GPR85: variants seen among roughly 807,000 people sequenced by gnomAD.
GPR85 encodes the protein G protein-coupled receptor 85, also known as probable G protein-coupled receptor 85.
A neutral mutation model predicts 21.3 loss-of-function variants in GPR85; 7 were observed. That is an observed-to-expected ratio of 0.33 (90% confidence interval 0.19 to 0.62). The LOEUF is 0.62. Among genes scored for constraint, GPR85 ranks in the 20% least tolerant of loss-of-function variants. The probability of loss-of-function intolerance (pLI) is 0.80; values close to 1 mark genes in which losing one functional copy is unlikely to be tolerated. For synonymous variants in GPR85, 167 were observed against 166.1 expected (o/e 1.01, Z -0.04); for missense variants, 299 against 443.8 (o/e 0.67, Z 2.93).
Position 113,086,431 on chromosome 7 carries a change from T to TTTTTTTTTTTTTTTTTTTTTTTTTC in GPR85, c.-399_-398insGAAAAAAAAAAAAAAAAAAAAAAAA, listed in dbSNP as rs1414402156. 1 of 108,236 alleles carries TTTTTTTTTTTTTTTTTTTTTTTTTC rather than the reference T, an allele frequency of 9.2e-6. No homozygotes were observed. 6.7% of individuals were successfully genotyped at this position (108,236 alleles called of 1,614,324 possible). ...TTTTTTTTTTTGTTTTTTGTTTTTT[T>TTTTTTTTTTTTTTTTTTTTTTTTTC]TTTTTTTTTTTTTGCCTTAGTGCCT... On this transcript the variant is annotated 5_prime_UTR_variant, in exon 1 of 3. An upstream open reading frame in the 5' UTR loses its in-frame stop. Coordinates refer to ENST00000424100, the MANE Select transcript of GPR85 (RefSeq NM_001146267.2).
At chr7:113,087,638 A>G (rs892247177), upstream of GPR85, 3 of 154,314 alleles carry the variant, frequency 1.9e-5, no homozygotes, top group Non-Finnish European at 4.4e-5. Context: ...TTAATTCCCA[A>G]TGTAAAACGT....
rs920604596 is a variant in GPR85 at position 113,083,960 on chromosome 7, G to A, written c.762C>T (p.Pro254=). Residue 254 remains proline (P), a synonymous_variant, in exon 3 of 3, where the codon CCC becomes CCT. Coordinates refer to ENST00000424100, the MANE Select transcript of GPR85 (RefSeq NM_001146267.2). This position sits in a 1 kb window ranked among gnomAD's most constrained non-coding sequence, Gnocchi z 4.4. ...LAGFGRGPTP[P]TLLGIRQNAN... ...CATTTTGCCTGATGCCCAGCAAGGT[G>A]GGTGGTGTGGGACCCCTTCCAAATC... 5 of 1,614,056 alleles carry A rather than the reference G, an allele frequency of 3.1e-6. No individual in the cohort carries two copies. Among genetic ancestry groups the A allele is most frequent in the Middle Eastern group, 1.6e-4 (1 of 6,084 alleles).
Position 113,084,137 on chromosome 7 carries a change from G to C in GPR85, c.585C>G (p.Leu195=), listed in dbSNP as rs780722391. ...LGFMLLLALI[L]LATQLVYLKL... is the part of the protein sequence containing the mutation. Reference sequence around the variant, plus strand: ...TGAGGTAGACAAGCTGTGTGGCTAGGAGGATGAGAGCAAGAAGCAGCATAA... The same window carrying C: ...TGAGGTAGACAAGCTGTGTGGCTAGCAGGATGAGAGCAAGAAGCAGCATAA... Residue 195 remains leucine (L), a synonymous_variant, in exon 3 of 3, where the codon CTC becomes CTG. Transcript: ENST00000424100. 1.2e-6 allele frequency: 2 copies of C among 1,614,188 alleles called. No homozygotes were observed. Among genetic ancestry groups the C allele is most frequent in the Non-Finnish European group, 1.7e-6 (2 of 1,180,030 alleles).
chr7:113,086,396 C>CTTTTTTTTTTTTTTTTTTCTTTTTTTTT lies in GPR85; in HGVS notation c.-364_-363insAAAAAAAAAGAAAAAAAAAAAAAAAAAA, dbSNP rs1794283693. ...CTGATTTTTTTCTTTTTTTCTTTTT[C>CTTTTTTTTTTTTTTTTTTCTTTTTTTTT]TTTTTTTTTTTTTTTTTTTTGTTTT... On this transcript the variant is annotated 5_prime_UTR_variant, in exon 1 of 3. An upstream open reading frame in the 5' UTR loses its in-frame stop. Transcript: ENST00000424100. 1 of 48,068 alleles carries CTTTTTTTTTTTTTTTTTTCTTTTTTTTT rather than the reference C, an allele frequency of 2.1e-5. No homozygotes were observed. The highest frequency in any genetic ancestry group is 3.6e-5 in the Non-Finnish European group (1 of 28,134). The allele number at this position is 48,068 out of a possible 1,614,324, so 3.0% of individuals were successfully genotyped here.
rs987762583 is a variant in GPR85 at position 113,083,549 on chromosome 7, C to A, written c.*60G>T. The A allele has an allele frequency of 1.4e-6, 2 of 1,442,354 alleles. No individual in the cohort carries two copies. Among genetic ancestry groups the A allele is most frequent in the Non-Finnish European group, 1.9e-6 (2 of 1,058,796 alleles). 89.3% of individuals were successfully genotyped at this position (1,442,354 alleles called of 1,614,324 possible). A position where few individuals can be genotyped will look rare whatever the true frequency, so the allele number is the denominator to read the frequency against. On this transcript the variant is annotated 3_prime_UTR_variant, in exon 3 of 3. Transcript: ENST00000424100. The surrounding 1 kb of genome is among the most constrained non-coding windows in gnomAD (Gnocchi z 4.4). ...TTTCTTCTCAAAATATGGCTATGGG[C>A]CACAATTGCTCAGCAGAGAAGGTTA...
chr7:113,085,221 C>T (rs1794243242), intron 2 of GPR85, among the ~76,000 whole-genome samples: 1 of 152,114 alleles, frequency 6.6e-6, no homozygotes, highest in South Asian at 2.1e-4. Flanking sequence ...TACAAGATTG[C>T]TATTAGGAGG....
chr7:113,084,735 A>G lies in GPR85; in HGVS notation c.-14T>C. The G allele has an allele frequency of 1.9e-6, 3 of 1,598,806 alleles. No homozygotes were observed. The highest frequency in any genetic ancestry group is 2.6e-6 in the Non-Finnish European group (3 of 1,169,954). ...ATAGTTCGCCATAGATGGATGGAGG[A>G]TAAGGATACAGCCTCAGTCAAGTCT... On this transcript the variant is annotated 5_prime_UTR_variant, in exon 3 of 3. Coordinates refer to ENST00000424100, the MANE Select transcript of GPR85 (RefSeq NM_001146267.2).
rs1794294752 is a variant in GPR85 at position 113,086,413 on chromosome 7, T to TTTG, written c.-381_-380insCAA. ...TTCTTTTTCTTTTTTTTTTTTTTTT[T>TTTG]TTTGTTTTTTGTTTTTTTTTTTTTT... On this transcript the variant is annotated 5_prime_UTR_variant, in exon 1 of 3. Coordinates refer to ENST00000424100, the MANE Select transcript of GPR85 (RefSeq NM_001146267.2). The TTTG allele has an allele frequency of 4.4e-5, 4 of 90,484 alleles. No homozygotes were observed. Among genetic ancestry groups the TTTG allele is most frequent in the African/African-American group, 1.4e-4 (3 of 21,646 alleles). The allele number at this position is 90,484 out of a possible 1,614,324, so 5.6% of individuals were successfully genotyped here.
At chr7:113,086,920 A>G (rs956507530), upstream of GPR85, among the ~76,000 whole-genome samples, 1 of 151,828 alleles carries the variant, frequency 6.6e-6, no homozygotes, top group African/African-American at 2.4e-5. Context: ...GGTGGTCCAA[A>G]CCACCGGAGG....
Position 113,086,339 on chromosome 7 carries a change from C to G in GPR85, c.-306G>C, listed in dbSNP as rs1444391183. 6 of 145,278 alleles carry G rather than the reference C, an allele frequency of 4.1e-5. No individual in the cohort carries two copies. The highest frequency in any genetic ancestry group is 6.9e-5 in the Admixed American group (1 of 14,392). 9.0% of individuals were successfully genotyped at this position (145,278 alleles called of 1,614,324 possible). A position where few individuals can be genotyped will look rare whatever the true frequency, so the allele number is the denominator to read the frequency against. ...CCTCCTACCTGTTGGTGTTGGATAT[C>G]CCGACAGACTATAGCTTCTTTCTAT... On this transcript the variant is annotated 5_prime_UTR_variant, in exon 1 of 3. Transcript: ENST00000424100.
Position 113,086,431 on chromosome 7 carries a change from T to TTTG in GPR85, c.-399_-398insCAA, listed in dbSNP as rs1794301800. On this transcript the variant is annotated 5_prime_UTR_variant, in exon 1 of 3. Transcript: ENST00000424100. ...TTTTTTTTTTTGTTTTTTGTTTTTT[T>TTTG]TTTTTTTTTTTTTGCCTTAGTGCCT... 3 of 108,244 alleles carry TTTG rather than the reference T, an allele frequency of 2.8e-5. No homozygotes were observed. Among genetic ancestry groups the TTTG allele is most frequent in the Non-Finnish European group, 3.8e-5 (2 of 52,466 alleles). 6.7% of individuals were successfully genotyped at this position (108,244 alleles called of 1,614,324 possible). A position where few individuals can be genotyped will look rare whatever the true frequency, so the allele number is the denominator to read the frequency against.
Position 113,084,005 on chromosome 7 carries a change from T to G in GPR85, c.717A>C (p.Ala239=). Residue 239 remains alanine (A), a synonymous_variant, in exon 3 of 3, where the codon GCA becomes GCC. Transcript: ENST00000424100. The part of the protein sequence containing the change: ...TFHGPGASGQ[A]AANWLAGFGR... The stretch of plus-strand genomic sequence containing the variant: ...CAAATCCTGCTAGCCAATTGGCAGC[T>G]GCCTGGCCACTGGCTCCAGGACCAT... 6.2e-7 allele frequency: 1 copy of G among 1,614,198 alleles called. No individual in the cohort carries two copies. Among genetic ancestry groups the G allele is most frequent in the African/African-American group, 1.3e-5 (1 of 75,066 alleles).
upstream of GPR85, among the ~76,000 whole-genome samples, chr7:113,087,132 T>C (rs1030436753): frequency 6.6e-6 from 1 of 152,238 alleles, no homozygotes; most frequent in Non-Finnish European, 1.5e-5. Context: ...GTTAGTCATC[T>C]TCTATTCTCC....
rs1414402156 is a variant in GPR85 at position 113,086,431 on chromosome 7, T to TTTTTTTTTTTTTTTTTTTTTTTG, written c.-399_-398insCAAAAAAAAAAAAAAAAAAAAAA. The TTTTTTTTTTTTTTTTTTTTTTTG allele has an allele frequency of 1.0e-4, 11 of 108,238 alleles. No individual in the cohort carries two copies. The highest frequency in any genetic ancestry group is 1.1e-4 in the Non-Finnish European group (6 of 52,474). The allele number at this position is 108,238 out of a possible 1,614,324, so 6.7% of individuals were successfully genotyped here. Reference sequence around the variant, plus strand: ...TTTTTTTTTTTGTTTTTTGTTTTTTTTTTTTTTTTTTTTGCCTTAGTGCCT... The same window carrying TTTTTTTTTTTTTTTTTTTTTTTG: ...TTTTTTTTTTTGTTTTTTGTTTTTTTTTTTTTTTTTTTTTTTTTTTTTGTTTTTTTTTTTTTGCCTTAGTGCCT... On this transcript the variant is annotated 5_prime_UTR_variant, in exon 1 of 3. The change abolishes the stop of an existing upstream ORF in the 5' untranslated region. Coordinates refer to ENST00000424100, the MANE Select transcript of GPR85 (RefSeq NM_001146267.2).
chr7:113,084,911 A>C lies in GPR85; in HGVS notation c.-170-20T>G, dbSNP rs1221944622. On this transcript the variant is annotated intron_variant, in intron 2 of 2. Transcript: ENST00000424100. ...GAATATCTGAAAAAAAAAAAAAAAA[A>C]AACCTATCAGTTCTTAAGTTAACAA... is the stretch of plus-strand genomic sequence containing the variant. 3 of 539,234 alleles carry C rather than the reference A, an allele frequency of 5.6e-6. No individual in the cohort carries two copies. The highest frequency in any genetic ancestry group is 7.3e-5 in the Admixed American group (2 of 27,344). The allele number at this position is 539,234 out of a possible 1,614,324, so 33.4% of individuals were successfully genotyped here.
chr7:113,082,368 A>T lies in GPR85; in HGVS notation c.*1241T>A, dbSNP rs1473112903. Reference sequence around the variant, plus strand: ...TCACAGACTCTAATGTATTTCTAAAATACCAGAAATCATAATATAAGCTTT... The same window carrying T: ...TCACAGACTCTAATGTATTTCTAAATTACCAGAAATCATAATATAAGCTTT... On this transcript the variant is annotated 3_prime_UTR_variant, in exon 3 of 3. Coordinates refer to ENST00000424100, the MANE Select transcript of GPR85 (RefSeq NM_001146267.2). The T allele has an allele frequency of 6.6e-6, 1 of 152,634 alleles. No individual in the cohort carries two copies. The highest frequency in any genetic ancestry group is 1.5e-5 in the Non-Finnish European group (1 of 68,042). The allele number at this position is 152,634 out of a possible 1,614,324, so 9.5% of individuals were successfully genotyped here.
In GPR85 at chr7:113,086,476, GGCTC is replaced by G. The variant is rs1554401737; in HGVS notation, c.-447_-444del. The stretch of plus-strand genomic sequence containing the variant: ...GTGCCTTGACTGAGCATCCAGGCAG[GGCTC>G]GGCGGCGCCTGCGCGCTGGAGCCTC... On this transcript the variant is annotated 5_prime_UTR_variant, in exon 1 of 3. An upstream open reading frame in the 5' UTR loses its in-frame stop. Coordinates refer to ENST00000424100, the MANE Select transcript of GPR85 (RefSeq NM_001146267.2). The G allele has an allele frequency of 6.5e-5, 8 of 122,434 alleles. No homozygotes were observed. The highest frequency in any genetic ancestry group is 1.6e-5 in the Non-Finnish European group (1 of 61,680). 7.6% of individuals were successfully genotyped at this position (122,434 alleles called of 1,614,324 possible).
At chr7:113,085,297 C>T (rs950187522) in intron 2 of GPR85, among the ~76,000 whole-genome samples, 2 of 152,330 alleles carry the variant, frequency 1.3e-5, no homozygotes, top group Admixed American at 1.3e-4. Flanking sequence ...GGCAGCTTCT[C>T]TGTTTGATGT....
rs1794293215 is a variant in GPR85 at position 113,086,410 on chromosome 7, T to TTTTG, written c.-378_-377insCAAA. On this transcript the variant is annotated 5_prime_UTR_variant, in exon 1 of 3. It introduces an in-frame stop codon into an upstream open reading frame of the 5' UTR. Transcript: ENST00000424100. ...TTTTTCTTTTTCTTTTTTTTTTTTT[T>TTTTG]TTTTTTGTTTTTTGTTTTTTTTTTT... 11 of 95,336 alleles carry TTTTG rather than the reference T, an allele frequency of 1.2e-4. No individual in the cohort carries two copies. The highest frequency in any genetic ancestry group is 3.5e-4 in the East Asian group (1 of 2,872). 5.9% of individuals were successfully genotyped at this position (95,336 alleles called of 1,614,324 possible). A position where few individuals can be genotyped will look rare whatever the true frequency, so the allele number is the denominator to read the frequency against.
Sources: gnomAD v4.1 joint callset for allele counts (sites outside exome capture counted in the v4.1 genomes callset) on GRCh38, gnomAD v4.1.1 for gene constraint, Gnocchi (gnomAD v3.1) non-coding constraint, MANE v1.5 for transcripts, NCBI Gene and HGNC (gene_info 2026-07-23, HGNC 2026-07-21) for gene names.